HERC3: variants seen among roughly 807,000 people sequenced by gnomAD.
HERC3 encodes the protein probable E3 ubiquitin-protein ligase HERC3.
A neutral mutation model predicts 129.9 loss-of-function variants in HERC3; 58 were observed. The ratio of observed to expected loss-of-function variants is 0.45; its 90% CI spans 0.36 to 0.56. The LOEUF (loss-of-function observed/expected upper bound fraction) is 0.56, where lower values mean the gene tolerates loss of function less well. Among genes scored for constraint, HERC3 ranks in the 20% least tolerant of loss-of-function variants. The pLI is 0.00. For synonymous variants in HERC3, 430 were observed against 451.0 expected (o/e 0.95, Z 0.59); for missense variants, 835 against 1,244.2 (o/e 0.67, Z 4.95).
At chr4:88,530,071 C>A in the HERC3 span, among the ~76,000 whole-genome samples, 1 of 152,032 alleles carries the variant, frequency 6.6e-6, no homozygotes, top group East Asian at 1.9e-4. Context: ...AGGCGGATCA[C>A]CTGAGGAGTT....
At chr4:88,663,402 T>C (rs1730708192) in intron 11 of HERC3, among the ~76,000 whole-genome samples, 1 of 152,140 alleles carries the variant, frequency 6.6e-6, no homozygotes, top group Non-Finnish European at 1.5e-5. Context: ...AGATGAGGGC[T>C]TGCTGGGGTC....
At chr4:88,695,825 G>A (rs1342164861) in intron 23 of HERC3, 1 of 152,612 alleles carries the variant, frequency 6.6e-6, no homozygotes, top group African/African-American at 2.4e-5. Context: ...GCCACTGAGA[G>A]TATTAGCTGA....
intron 3 of HERC3, among the ~76,000 whole-genome samples, chr4:88,619,152 A>T (rs1305259533): frequency 1.3e-5 from 2 of 152,234 alleles, no homozygotes; most frequent in Non-Finnish European, 1.5e-5. Flanking sequence ...CAGGCCAAGA[A>T]GGAGCCATGT....
chr4:88,689,322 T>G (rs2149328833), intron 23 of HERC3, among the ~76,000 whole-genome samples: 1 of 138,524 alleles, frequency 7.2e-6, no homozygotes, highest in African/African-American at 2.7e-5. Context: ...GTGGGCAAGA[T>G]AGCAAAACCA....
chr4:88,609,766 A>T (rs1315888163), intron 3 of HERC3, among the ~76,000 whole-genome samples: 1 of 152,238 alleles, frequency 6.6e-6, no homozygotes, highest in Non-Finnish European at 1.5e-5. Flanking sequence ...TGGCTCTCTC[A>T]AGAAAGAATT....
At chr4:88,697,482 G>A (rs1174703928) in intron 23 of HERC3, 2 of 1,613,960 alleles carry the variant, frequency 1.2e-6, no homozygotes, top group South Asian at 2.2e-5. Flanking sequence ...CTATCTTATC[G>A]CATCGCTTCT....
rs571576940 is a variant in HERC3, at chr4:88,685,297, C to T, written c.2508-1439C>T. ...TCTACTGTAAAGACACATGCACACA[C>T]GTATGTTTATTGCAGCACTATTTAC... On this transcript the variant is annotated intron_variant, in intron 21 of 25. Transcript: ENST00000402738. 5.3e-5 allele frequency among the ~76,000 whole-genome samples: 8 copies of T among 152,198 alleles called. No individual in the cohort carries two copies. In the East Asian group the frequency reaches 9.6e-4, roughly 18 times the overall value.
chr4:88,616,752 A>G (rs1441642784), intron 3 of HERC3, among the ~76,000 whole-genome samples: 1 of 152,174 alleles, frequency 6.6e-6, no homozygotes, highest in Non-Finnish European at 1.5e-5. Context: ...ACAGAATGCT[A>G]AGCTGTGTCA....
Position 88,649,948 on chromosome 4 carries a change from G to T in HERC3, c.335G>T (p.Ser112Ile). Residue 112 changes from serine to isoleucine, a missense_variant, in exon 4 of 26, where the codon AGT becomes ATT. Physicochemically the swap from Ser to Ile is moderately radical, Grantham distance 142. Coordinates refer to ENST00000402738, the MANE Select transcript of HERC3 (RefSeq NM_014606.3). Reference protein sequence around the residue: ...RGQLFSWGAGSDGQLGLMTTE... With the variant: ...RGQLFSWGAGIDGQLGLMTTE... ...CAGCTGTTTTCTTGGGGTGCAGGGAGTGATGGTCAGCTAGGACTCATGACT... is the reference window on the plus strand; with the variant it reads ...CAGCTGTTTTCTTGGGGTGCAGGGATTGATGGTCAGCTAGGACTCATGACT... 6.2e-7 allele frequency: 1 copy of T among 1,614,156 alleles called. No individual in the cohort carries two copies. Among genetic ancestry groups the T allele is most frequent in the East Asian group, 2.2e-5 (1 of 44,886 alleles).
chr4:88,560,242 G>A, the HERC3 span, among the ~76,000 whole-genome samples: 1 of 152,160 alleles, frequency 6.6e-6, no homozygotes, highest in Non-Finnish European at 1.5e-5. Flanking sequence ...TTACGGGCAT[G>A]AGCCACCACG....
intron 3 of HERC3, among the ~76,000 whole-genome samples, chr4:88,640,826 A>G (rs7441730): frequency 0.097 from 14,703 of 152,248 alleles, 1,084 homozygotes; most frequent in South Asian, 0.23. Context: ...ACTTGAAACA[A>G]AAACTTACAG....
chr4:88,686,705 C>T (rs1329676193), intron 21 of HERC3, 31 bp from the exon 22 acceptor site: 1 of 1,487,894 alleles, frequency 6.7e-7, no homozygotes, highest in Non-Finnish European at 9.4e-7. Flanking sequence ...TCTGACTTGC[C>T]ACTTTTCCTT....
chr4:88,636,663 C>T (rs1159880554), intron 3 of HERC3, among the ~76,000 whole-genome samples: 1 of 152,194 alleles, frequency 6.6e-6, no homozygotes, highest in African/African-American at 2.4e-5. Context: ...CTACAGAGCT[C>T]TCCACCCCAA....
At chr4:88,595,100 C>CAAAAA (rs758727600) in intron 1 of HERC3, among the ~76,000 whole-genome samples, 394 of 57,634 alleles carry the variant, frequency 6.8e-3, no homozygotes, top group African/African-American at 0.015. Flanking sequence ...GACTCTGTCT[C>CAAAAA]AAAAAAAAAA....
At chr4:88,547,558 T>C in the HERC3 span, among the ~76,000 whole-genome samples, 1 of 152,216 alleles carries the variant, frequency 6.6e-6, no homozygotes, top group East Asian at 1.9e-4. Context: ...CGAATCTACT[T>C]TCTCTCTACT....
rs1220532395 is a variant in HERC3, at chr4:88,642,151, A to T, written c.227-7689A>T. The stretch of plus-strand genomic sequence containing the variant: ...GTCTCAAAAAAAAAAAAAAAAAAAA[A>T]AGGAAGGAAGAAATCTCTAGACCTC... On this transcript the variant is annotated intron_variant, in intron 3 of 25. Coordinates refer to ENST00000402738, the MANE Select transcript of HERC3 (RefSeq NM_014606.3). Among the ~76,000 whole-genome samples the T allele has an allele frequency of 5.3e-5, 8 of 151,338 alleles. No individual in the cohort carries two copies. In the East Asian group the frequency reaches 1.5e-3, roughly 29 times the overall value.
At chr4:88,638,763 A>T (rs1727729682) in intron 3 of HERC3, among the ~76,000 whole-genome samples, 1 of 152,210 alleles carries the variant, frequency 6.6e-6, no homozygotes. Flanking sequence ...AGAGAAAGAA[A>T]TAAAGGGTAC....
chr4:88,608,041 A>G (rs1408866366), intron 3 of HERC3, among the ~76,000 whole-genome samples: 1 of 152,196 alleles, frequency 6.6e-6, no homozygotes, highest in African/African-American at 2.4e-5. Flanking sequence ...AGATGATTTT[A>G]TCATTTTATT....
At chr4:88,543,317 G>C in the HERC3 span, among the ~76,000 whole-genome samples, 1 of 152,068 alleles carries the variant, frequency 6.6e-6, no homozygotes, top group African/African-American at 2.4e-5. Context: ...CAAATCATGA[G>C]TGAACTCACA....
Sources: gnomAD v4.1 joint callset for allele counts (sites outside exome capture counted in the v4.1 genomes callset) on GRCh38, gnomAD v4.1.1 for gene constraint, MANE v1.5 for transcripts, NCBI Gene and HGNC (gene_info 2026-07-23, HGNC 2026-07-21) for gene names.